The following VWA3B variants were observed in gnomAD, a reference collection of about 807,000 sequenced individuals.
VWA3B encodes von Willebrand factor A domain containing 3B, also known as von Willebrand factor A domain-containing protein 3B.
VWA3B carries 138 observed loss-of-function variants against 158.3 expected under a neutral mutation model. The ratio of observed to expected loss-of-function variants is 0.87; its 90% CI spans 0.76 to 1.00. The LOEUF (loss-of-function observed/expected upper bound fraction) is 1.00. Ranked by LOEUF, VWA3B falls within the 50% of genes least tolerant of loss-of-function variation. VWA3B has a pLI of 0.00. For missense variants in VWA3B, 1,555 were observed against 1,565.1 expected, an observed-to-expected ratio of 0.99 and a Z score of 0.11; for synonymous variants, 596 against 587.3, an observed-to-expected ratio of 1.01 and a Z score of -0.21.
At chr2:98,237,600 G>A (rs1233896848) in intron 19 of VWA3B, among the ~76,000 whole-genome samples, 2 of 152,152 alleles carry the variant, frequency 1.3e-5, no homozygotes, top group Non-Finnish European at 2.9e-5. Context: ...GCAACAAGGA[G>A]GTGCTCATCT....
chr2:98,234,187 A>G (rs1685520834), intron 16 of VWA3B, among the ~76,000 whole-genome samples: 1 of 152,236 alleles, frequency 6.6e-6, no homozygotes, highest in African/African-American at 2.4e-5. Context: ...AGTCCAGTGT[A>G]ACTGTGGGAA....
intron 2 of VWA3B, among the ~76,000 whole-genome samples, chr2:98,102,633 T>C (rs1683168167): frequency 6.6e-6 from 1 of 152,220 alleles, no homozygotes; most frequent in South Asian, 2.1e-4. Flanking sequence ...TTCTTACATT[T>C]TGTTAAGAAT....
At chr2:98,200,197 T>C (rs1330350296) in intron 12 of VWA3B, among the ~76,000 whole-genome samples, 1 of 152,176 alleles carries the variant, frequency 6.6e-6, no homozygotes, top group African/African-American at 2.4e-5. Flanking sequence ...TTAATTGAGT[T>C]GTTTGTTTTC....
chr2:98,179,321 A>T, intron 8 of VWA3B: 1 of 471,164 alleles, frequency 2.1e-6, no homozygotes, highest in Non-Finnish European at 4.4e-6. Flanking sequence ...CGCTCAGGTA[A>T]CATAACACAG....
chr2:98,166,621 A>C (rs1018213632), intron 8 of VWA3B, among the ~76,000 whole-genome samples: 1 of 152,144 alleles, frequency 6.6e-6, no homozygotes, highest in Non-Finnish European at 1.5e-5. Context: ...TAAGCCCCCC[A>C]GCCTCTGGTG....
intron 24 of VWA3B, among the ~76,000 whole-genome samples, chr2:98,298,766 G>T (rs924647701): frequency 5.9e-5 from 9 of 152,224 alleles, no homozygotes; most frequent in African/African-American, 2.2e-4. Flanking sequence ...CACTCCACAG[G>T]GTGGGAATGG....
chr2:98,157,661 A>G (rs920566278), intron 7 of VWA3B, among the ~76,000 whole-genome samples: 11 of 152,222 alleles, frequency 7.2e-5, no homozygotes, highest in Non-Finnish European at 7.3e-5. Context: ...GCCTTTTCAT[A>G]GTTATATTCA....
At chr2:98,162,370 C>T (rs1457478393) in intron 7 of VWA3B, among the ~76,000 whole-genome samples, 1 of 152,088 alleles carries the variant, frequency 6.6e-6, no homozygotes, top group Non-Finnish European at 1.5e-5. Flanking sequence ...AGTAGAGGTC[C>T]AGAAAAGGAG....
At chr2:98,115,264 A>C (rs1674438907) in intron 2 of VWA3B, among the ~76,000 whole-genome samples, 1 of 152,082 alleles carries the variant, frequency 6.6e-6, no homozygotes. Flanking sequence ...TGGACACAGG[A>C]TGGGGAACAT....
chr2:98,088,155 C>G (rs1253314208), intron 1 of VWA3B, among the ~76,000 whole-genome samples: 1 of 152,206 alleles, frequency 6.6e-6, no homozygotes, highest in Non-Finnish European at 1.5e-5. Context: ...AGTTTCCTTT[C>G]TTCCTGGAAA....
At chr2:98,281,455 A>T (rs62157917) in intron 22 of VWA3B, among the ~76,000 whole-genome samples, 5,933 of 152,300 alleles carry the variant, frequency 0.039, 169 homozygotes, top group Middle Eastern at 0.075. Flanking sequence ...TACGACAATT[A>T]GGGGATTGTA....
chr2:98,220,035 C>T (rs764098167), intron 14 of VWA3B, among the ~76,000 whole-genome samples: 2 of 151,700 alleles, frequency 1.3e-5, no homozygotes, highest in African/African-American at 4.8e-5. Context: ...TGGTGGTTTG[C>T]ACCTGTAGTT....
Position 98,126,400 on chromosome 2 carries a change from C to T in VWA3B, c.703-1839C>T, listed in dbSNP as rs549581909. Among the ~76,000 whole-genome samples, 3 of 152,304 alleles carry T rather than the reference C, an allele frequency of 2.0e-5. No individual in the cohort carries two copies. In the South Asian group the frequency reaches 6.2e-4, roughly 32 times the overall value. On this transcript the variant is annotated intron_variant, in intron 5 of 27. Coordinates refer to ENST00000477737, the MANE Select transcript of VWA3B (RefSeq NM_144992.5). ...ACCAACCCTAGAAAATACTCTGTGT[C>T]TGCTCCCCTGTCTCAGGCCATGTGT...
At chr2:98,250,283 G>T (rs1686713393) in intron 19 of VWA3B, 35 bp from the exon 20 acceptor site, 1 of 1,562,454 alleles carries the variant, frequency 6.4e-7, no homozygotes, top group East Asian at 2.3e-5. Flanking sequence ...AACCTATCAA[G>T]TGACACTTTC....
intron 10 of VWA3B, among the ~76,000 whole-genome samples, chr2:98,191,651 GA>G (rs1224423830): frequency 3.9e-5 from 6 of 152,144 alleles, no homozygotes; most frequent in Admixed American, 1.3e-4. Flanking sequence ...GCTGGTAGAT[GA>G]ACTACTCCTA....
At chr2:98,248,485 G>A (rs780383383) in intron 19 of VWA3B, among the ~76,000 whole-genome samples, 2 of 152,094 alleles carry the variant, frequency 1.3e-5, no homozygotes, top group Non-Finnish European at 2.9e-5. Flanking sequence ...TGGTGATGTT[G>A]TAGATATCAC....
chr2:98,216,982 A>ATCC (rs1553417708), intron 13 of VWA3B: 1 of 972,930 alleles, frequency 1.0e-6, no homozygotes, highest in African/African-American at 1.8e-5. Context: ...CATTGTAAGC[A>ATCC]CCCGCCCCGC....
chr2:98,117,152 G>C (rs1306975438), intron 3 of VWA3B, among the ~76,000 whole-genome samples: 1 of 152,214 alleles, frequency 6.6e-6, no homozygotes, highest in African/African-American at 2.4e-5. Context: ...AGGAGCTAGT[G>C]TGATTGCTTG....
In VWA3B at chr2:98,218,005, C is replaced by A; in HGVS notation, c.1996C>A (p.Pro666Thr). ...FHFYNFGCKDPTPPEAVQNED... is the reference protein window; with the variant it reads ...FHFYNFGCKDTTPPEAVQNED... ...TTTTTATAATTTTGGTTGCAAGGAT[C>A]CCACTCCCCCAGAGGCTGTTCAGGT... The change falls in exon 14 of 28, where the codon CCC becomes ACC. Residue 666 changes from proline (P) to threonine (T), a missense_variant. Physicochemically the swap from Pro to Thr is conservative, Grantham distance 38. Transcript: ENST00000477737. 6.2e-7 allele frequency: 1 copy of A among 1,611,050 alleles called. No individual in the cohort carries two copies. The highest frequency in any genetic ancestry group is 8.5e-7 in the Non-Finnish European group (1 of 1,178,596).
Sources: gnomAD v4.1 joint callset for allele counts (sites outside exome capture counted in the v4.1 genomes callset) on GRCh38, gnomAD v4.1.1 for gene constraint, MANE v1.5 for transcripts, NCBI Gene and HGNC (gene_info 2026-07-23, HGNC 2026-07-21) for gene names.